Variants in PLG observed in about 807,000 individuals in gnomAD.
PLG encodes plasmin.
A neutral mutation model predicts 104.4 loss-of-function variants in PLG; 41 were observed. The ratio of observed to expected loss-of-function variants is 0.39; its 90% confidence interval spans 0.31 to 0.51. The LOEUF is 0.51. PLG is among the 20% of genes least tolerant of loss of function. PLG has a pLI of 0.76. For synonymous variants in PLG, 337 were observed against 357.1 expected (o/e 0.94, Z 0.63); for missense variants, 891 against 1,003.6 (o/e 0.89, Z 1.52).
intron 1 of PLG, among the ~76,000 whole-genome samples, chr6:160,703,329 C>T (rs1472369263): frequency 6.6e-6 from 1 of 151,434 alleles, no homozygotes; most frequent in Non-Finnish European, 1.5e-5. Context: ...TTTAGGCATA[C>T]AATCCAATGG....
chr6:160,736,808 G>C lies in PLG; in HGVS notation c.1682-79G>C. 6.3e-7 allele frequency: 1 copy of C among 1,580,816 alleles called. No individual in the cohort carries two copies. Among genetic ancestry groups the C allele is most frequent in the South Asian group, 1.1e-5 (1 of 89,998 alleles). On this transcript the variant is annotated intron_variant, in intron 13 of 18. Transcript: ENST00000308192. This position sits in a 1 kb window ranked among gnomAD's most constrained non-coding sequence, Gnocchi z 5.2. ...GCCTTTAAGATGTCAAAAACTCAGT[G>C]CTTGGAATTTGTCTCGAATTACACC... is the stretch of plus-strand genomic sequence containing the variant.
chr6:160,743,128 C>T (rs1305106701), intron 17 of PLG, among the ~76,000 whole-genome samples: 1 of 151,532 alleles, frequency 6.6e-6, no homozygotes, highest in African/African-American at 2.4e-5. Context: ...TTAGGATTGC[C>T]TTGGCTATTC....
At chr6:160,721,222 T>C (rs978944578) in intron 9 of PLG, among the ~76,000 whole-genome samples, 11 of 152,346 alleles carry the variant, frequency 7.2e-5, no homozygotes, top group African/African-American at 2.6e-4. Flanking sequence ...GCTCTCTGGA[T>C]TGCTTTATTA....
At chr6:160,748,789 C>T (rs1366021174) in intron 17 of PLG, among the ~76,000 whole-genome samples, 5 of 152,318 alleles carry the variant, frequency 3.3e-5, no homozygotes, top group Middle Eastern at 3.4e-3. Flanking sequence ...GTGACATTCT[C>T]GTGGCTGCAG....
In PLG at chr6:160,733,977, A is replaced by C. The variant is rs1324906439; in HGVS notation, c.1588-18A>C. ...CTGCCCCACGTGAGCTGGAGCTTAC[A>C]TGCCTTCTTGTTTTCAGTACTGCCG... On this transcript the variant is annotated intron_variant, in intron 12 of 18. Coordinates refer to ENST00000308192, the MANE Select transcript of PLG (RefSeq NM_000301.5). 4 of 1,450,352 alleles carry C rather than the reference A, an allele frequency of 2.8e-6. No individual in the cohort carries two copies. Among genetic ancestry groups the C allele is most frequent in the Middle Eastern group, 1.7e-4 (1 of 5,796 alleles). The allele number at this position is 1,450,352 out of a possible 1,614,324, so 89.8% of individuals were successfully genotyped here. A position where few individuals can be genotyped will look rare whatever the true frequency, so the allele number is the denominator to read the frequency against.
chr6:160,753,010 T>C lies in PLG; in HGVS notation c.2382T>C (p.Val794=). The C allele has an allele frequency of 6.2e-7, 1 of 1,602,318 alleles. No individual in the cohort carries two copies. The highest frequency in any genetic ancestry group is 8.5e-7 in the Non-Finnish European group (1 of 1,169,870). The change falls in exon 19 of 19, where the codon GTT becomes GTC. Residue 794 remains valine, a synonymous_variant. Coordinates refer to ENST00000308192, the MANE Select transcript of PLG (RefSeq NM_000301.5). This position sits in a 1 kb window ranked among gnomAD's most constrained non-coding sequence, Gnocchi z 5.4. ...GCCCCAATAAGCCTGGTGTCTATGT[T>C]CGTGTTTCAAGGTTTGTTACTTGGA... The part of the protein sequence containing the change: ...CARPNKPGVY[V]RVSRFVTWIE...
At chr6:160,745,140 A>C (rs1778257002) in intron 17 of PLG, among the ~76,000 whole-genome samples, 1 of 151,776 alleles carries the variant, frequency 6.6e-6, no homozygotes, top group Non-Finnish European at 1.5e-5. Context: ...GTTTTGGGAA[A>C]GAGAGTTGTG....
At chr6:160,712,571 G>C (rs1450900381) in intron 4 of PLG, among the ~76,000 whole-genome samples, 1 of 152,202 alleles carries the variant, frequency 6.6e-6, no homozygotes. Context: ...CTAAAAGAGA[G>C]AATGTGTGGA....
rs1778116051 is a variant in PLG at position 160,737,985 on chromosome 6, T to C, written c.1803-553T>C. 1.3e-5 allele frequency among the ~76,000 whole-genome samples: 2 copies of C among 151,734 alleles called. No homozygotes were observed. The highest frequency in any genetic ancestry group is 2.4e-5 in the African/African-American group (1 of 41,210). ...CCTCTTCTTTAAATTTGGTTCCAAATGGCTCACACCATTATTCTGAGCTAT... is the reference window on the plus strand; with the variant it reads ...CCTCTTCTTTAAATTTGGTTCCAAACGGCTCACACCATTATTCTGAGCTAT... On this transcript the variant is annotated intron_variant, in intron 14 of 18. Transcript: ENST00000308192. The surrounding 1 kb of genome is among the most constrained non-coding windows in gnomAD (Gnocchi z 4.7).
chr6:160,715,477 G>T (rs1273855720), intron 6 of PLG, among the ~76,000 whole-genome samples: 1 of 152,090 alleles, frequency 6.6e-6, no homozygotes, highest in South Asian at 2.1e-4. Flanking sequence ...ATTCTCTAAG[G>T]GGACCACGAA....
rs1778173184 is a variant in PLG, at chr6:160,740,480, G to A, written c.2019-831G>A. 6.6e-6 allele frequency among the ~76,000 whole-genome samples: 1 copy of A among 152,090 alleles called. No individual in the cohort carries two copies. Among genetic ancestry groups the A allele is most frequent in the African/African-American group, 2.4e-5 (1 of 41,422 alleles). On this transcript the variant is annotated intron_variant, in intron 16 of 18. Transcript: ENST00000308192. This position sits in a 1 kb window ranked among gnomAD's most constrained non-coding sequence, Gnocchi z 5.2. ...TTCCCACCCCACATCCCCACACCCC[G>A]AGTCTAGGGCATTTAGTGCTCCACC...
At chr6:160,710,962 A>G in intron 3 of PLG, 115 bp from the exon 4 acceptor site, 3 of 895,260 alleles carry the variant, frequency 3.4e-6, no homozygotes, top group Non-Finnish European at 5.5e-6. Context: ...ATCTTTTAGA[A>G]AGCAGAAACA....
rs1897107 is a variant in PLG at position 160,725,771 on chromosome 6, A to G, written c.1256+3204A>G. Among the ~76,000 whole-genome samples, 13,121 of 152,196 alleles carry G rather than the reference A, an allele frequency of 0.086. 1,485 individuals carry two copies. Among genetic ancestry groups the G allele is most frequent in the Middle Eastern group, 0.28 (81 of 294 alleles). On this transcript the variant is annotated intron_variant, in intron 10 of 18. Transcript: ENST00000308192. This position sits in a 1 kb window ranked among gnomAD's most constrained non-coding sequence, Gnocchi z 6.3. ...CCAAAAACCAAGTGTGGAAAATGAC[A>G]TATCATGAAAATAAGAATCAGAAGA...
intron 2 of PLG, 89 bp from the exon 3 acceptor site, chr6:160,707,611 T>C (rs994433598): frequency 6.8e-6 from 9 of 1,331,908 alleles, no homozygotes; most frequent in Non-Finnish European, 7.6e-6. Flanking sequence ...AGATATTCAA[T>C]GATCTTTAGC....
At chr6:160,711,922 A>AT (rs1247402098) in intron 4 of PLG, 3 of 1,326,088 alleles carry the variant, frequency 2.3e-6, no homozygotes, top group Non-Finnish European at 2.9e-6. Flanking sequence ...ATTTTAGTGC[A>AT]TTTTTTTGTA....
chr6:160,752,232 A>G lies in PLG; in HGVS notation c.2243A>G (p.His748Arg). Reference sequence around the variant, plus strand: ...CAATCCACCGAACTCTGTGCTGGGCATTTGGCCGGAGGCACTGACAGTTGC... The same window carrying G: ...CAATCCACCGAACTCTGTGCTGGGCGTTTGGCCGGAGGCACTGACAGTTGC... Reference protein sequence around the residue: ...RVQSTELCAGHLAGGTDSCQG... With the variant: ...RVQSTELCAGRLAGGTDSCQG... Residue 748 changes from histidine (H) to arginine (R), a missense_variant, in exon 18 of 19, where the codon CAT (histidine) becomes CGT (arginine). This residue lies in a region of PLG where 854 missense variants were observed against 932.1 expected (regional missense o/e 0.92). Coordinates refer to ENST00000308192, the MANE Select transcript of PLG (RefSeq NM_000301.5). This position sits in a 1 kb window ranked among gnomAD's most constrained non-coding sequence, Gnocchi z 4.7. 6.2e-7 allele frequency: 1 copy of G among 1,614,082 alleles called. No individual in the cohort carries two copies. The highest frequency in any genetic ancestry group is 8.5e-7 in the Non-Finnish European group (1 of 1,179,942).
chr6:160,733,754 G>T lies in PLG; in HGVS notation c.1588-241G>T, dbSNP rs71565774. The stretch of plus-strand genomic sequence containing the variant: ...AGCTACTCAGGAGGCTGAAGCAGGA[G>T]AATCGCTTGAACCCAGGAGATGGAG... On this transcript the variant is annotated intron_variant, in intron 12 of 18. Coordinates refer to ENST00000308192, the MANE Select transcript of PLG (RefSeq NM_000301.5). Among the ~76,000 whole-genome samples, 1,473 of 147,368 alleles carry T rather than the reference G, an allele frequency of 1.0e-2. 16 individuals are homozygous for T. The highest frequency in any genetic ancestry group is 0.014 in the Non-Finnish European group (965 of 67,102).
chr6:160,717,473 A>T (rs1777755920), intron 7 of PLG, among the ~76,000 whole-genome samples: 1 of 150,722 alleles, frequency 6.6e-6, no homozygotes, highest in Non-Finnish European at 1.5e-5. Flanking sequence ...TTTTTTTTTC[A>T]GTTTCTCTTT....
At chr6:160,712,297 T>A (rs1777658458) in intron 4 of PLG, 1 of 156,790 alleles carries the variant, frequency 6.4e-6, no homozygotes, top group Non-Finnish European at 1.4e-5. Flanking sequence ...GTGATTTTCA[T>A]CTAAATGGTT....
Sources: gnomAD v4.1 joint callset for allele counts (sites outside exome capture counted in the v4.1 genomes callset) on GRCh38, gnomAD v4.1.1 for gene constraint, gnomAD v4.1.1 regional missense constraint, Gnocchi (gnomAD v3.1) non-coding constraint, MANE v1.5 for transcripts, NCBI Gene and HGNC (gene_info 2026-07-23, HGNC 2026-07-21) for gene names.